The following IL1RAPL2 variants were observed in gnomAD, a reference collection of about 807,000 sequenced individuals.
IL1RAPL2 encodes the protein X-linked interleukin-1 receptor accessory protein-like 2.
IL1RAPL2 carries 3 observed loss-of-function variants against 44.1 expected under a neutral mutation model. The ratio of observed to expected loss-of-function variants is 0.07; its 90% CI spans 0.03 to 0.18. The LOEUF (loss-of-function observed/expected upper bound fraction) is 0.18. Ranked by LOEUF, IL1RAPL2 falls within the 10% of genes least tolerant of loss-of-function variation. The pLI is 1.00. For synonymous variants in IL1RAPL2, 181 were observed against 178.8 expected (o/e 1.01, Z -0.10); for missense variants, 391 against 496.4 (o/e 0.79, Z 2.02).
At chrX:105,491,723 T>C (rs1403413482) in intron 6 of IL1RAPL2, among the ~76,000 whole-genome samples, 2 of 112,106 alleles carry the variant, frequency 1.8e-5, no homozygotes, top group Admixed American at 1.9e-4. Flanking sequence ...GCCCAGATCA[T>C]ATACCATGTG....
At chrX:105,556,697 C>T (rs771218679) in intron 6 of IL1RAPL2, among the ~76,000 whole-genome samples, 1 of 111,795 alleles carries the variant, frequency 8.9e-6, no homozygotes, top group African/African-American at 3.2e-5. Flanking sequence ...AAATTGAGGA[C>T]ACATATGTGA....
chrX:104,747,460 G>A (rs1173577832), intron 2 of IL1RAPL2, among the ~76,000 whole-genome samples: 1 of 111,195 alleles, frequency 9.0e-6, no homozygotes, highest in Non-Finnish European at 1.9e-5. Context: ...CTACTCTTAC[G>A]GAGGTCACAC....
intron 1 of IL1RAPL2, among the ~76,000 whole-genome samples, chrX:104,611,907 G>A (rs1377312637): frequency 9.2e-6 from 1 of 109,246 alleles, no homozygotes; most frequent in African/African-American, 3.3e-5. Context: ...TCATGGGCAT[G>A]GGACCCATTG....
At chrX:104,669,090 C>T (rs1464386263) in intron 2 of IL1RAPL2, among the ~76,000 whole-genome samples, 1 of 111,562 alleles carries the variant, frequency 9.0e-6, no homozygotes, top group Non-Finnish European at 1.9e-5. Context: ...CTTTGGCACT[C>T]CCCCTGGCTA....
At chrX:104,943,192 G>C (rs1027885479) in intron 2 of IL1RAPL2, among the ~76,000 whole-genome samples, 1 of 110,947 alleles carries the variant, frequency 9.0e-6, no homozygotes, top group Non-Finnish European at 1.9e-5. Flanking sequence ...TTGGTAACAG[G>C]ATGATGCTGG....
chrX:105,762,613 T>G (rs2038696598), intron 10 of IL1RAPL2, among the ~76,000 whole-genome samples: 1 of 112,345 alleles, frequency 8.9e-6, no homozygotes. Context: ...TCATGTCTGA[T>G]AATCTGCTGT....
chrX:105,053,240 A>G (rs2031951572), intron 2 of IL1RAPL2, among the ~76,000 whole-genome samples: 2 of 111,554 alleles, frequency 1.8e-5, no homozygotes, highest in African/African-American at 6.5e-5. Context: ...ATGCCTGAAA[A>G]TTTTATTCTT....
intron 2 of IL1RAPL2, among the ~76,000 whole-genome samples, chrX:105,022,320 C>A (rs2031295918): frequency 9.0e-6 from 1 of 110,972 alleles, no homozygotes. Context: ...TTCTCTTATT[C>A]TCATTTTGCT....
intron 2 of IL1RAPL2, among the ~76,000 whole-genome samples, chrX:104,946,654 G>C (rs1925380673): frequency 1.0e-5 from 1 of 95,903 alleles, no homozygotes; most frequent in Admixed American, 1.2e-4. Flanking sequence ...CTATGAGTGA[G>C]AATATGCGGT....
At chrX:105,404,112 C>G (rs1440553476) in intron 5 of IL1RAPL2, among the ~76,000 whole-genome samples, 1 of 111,766 alleles carries the variant, frequency 8.9e-6, no homozygotes, top group Non-Finnish European at 1.9e-5. Flanking sequence ...TGTCCCTCAA[C>G]TAGTCTTAGA....
intron 2 of IL1RAPL2, among the ~76,000 whole-genome samples, chrX:104,969,581 A>G (rs2030193321): frequency 9.0e-6 from 1 of 111,409 alleles, no homozygotes; most frequent in African/African-American, 3.3e-5. Context: ...ATAATGAAAA[A>G]CCTGGGGAAA....
At chrX:105,214,469 C>G (rs1033841081) in intron 3 of IL1RAPL2, among the ~76,000 whole-genome samples, 1 of 110,412 alleles carries the variant, frequency 9.1e-6, no homozygotes, top group Non-Finnish European at 1.9e-5. Flanking sequence ...CACACAGATT[C>G]ATGAAACAAG....
At chrX:105,471,122 A>G (rs2036163078) in intron 5 of IL1RAPL2, among the ~76,000 whole-genome samples, 1 of 112,380 alleles carries the variant, frequency 8.9e-6, no homozygotes, top group Non-Finnish European at 1.9e-5. Context: ...TTTATTGAGA[A>G]CTAAACTATG....
intron 2 of IL1RAPL2, among the ~76,000 whole-genome samples, chrX:104,931,845 T>C (rs1434978003): frequency 9.1e-6 from 1 of 110,076 alleles, no homozygotes; most frequent in Non-Finnish European, 1.9e-5. Context: ...GCTTTAACTT[T>C]ACTTAAACAG....
Position 105,133,171 on chromosome X carries a change from A to T in IL1RAPL2, c.83-62304A>T, listed in dbSNP as rs955423578. Among the ~76,000 whole-genome samples, 5 of 111,969 alleles carry T rather than the reference A, an allele frequency of 4.5e-5. No individual in the cohort carries two copies. The Admixed American group carries it at 4.7e-4, about 11-fold the overall frequency. On this transcript the variant is annotated intron_variant, in intron 2 of 10. Transcript: ENST00000372582. ...AGATTTCATTTTTCTCAGTTAACAC[A>T]TTATGAGAAATATTCTGTGTAAATA...
rs1353641528 is a variant in IL1RAPL2, at chrX:105,755,249, A to T, written c.1265A>T (p.Glu422Val). ...DQDTLDCDNP[E>V]EEQFALEVLP... ...GATACTTTAGACTGTGACAATCCTG[A>T]AGAAGAGCAGTTTGCTCTTGAAGTA... The change falls in exon 10 of 11, where the codon GAA becomes GTA. Residue 422 changes from glutamate (E) to valine (V), a missense_variant. Coordinates refer to ENST00000372582, the MANE Select transcript of IL1RAPL2 (RefSeq NM_017416.2). 1 of 1,192,262 alleles carries T rather than the reference A, an allele frequency of 8.4e-7. No individual in the cohort carries two copies.
At chrX:105,220,648 C>T (rs1329272773) in intron 3 of IL1RAPL2, 5 of 302,047 alleles carry the variant, frequency 1.7e-5, no homozygotes, top group Non-Finnish European at 2.9e-5. Flanking sequence ...CTTAACACGC[C>T]CGAAGAGAGA....
At chrX:105,337,784 G>A (rs750627066) in intron 5 of IL1RAPL2, among the ~76,000 whole-genome samples, 12 of 110,600 alleles carry the variant, frequency 1.1e-4, no homozygotes, top group East Asian at 5.7e-4. Context: ...CCAGCTACTC[G>A]GGAGGCTAAG....
intron 3 of IL1RAPL2, among the ~76,000 whole-genome samples, chrX:105,222,614 G>A (rs1278233259): frequency 8.9e-6 from 1 of 111,976 alleles, no homozygotes; most frequent in Non-Finnish European, 1.9e-5. Flanking sequence ...ACCCATTAGG[G>A]AGATGCTAAA....
Sources: gnomAD v4.1 joint callset for allele counts (sites outside exome capture counted in the v4.1 genomes callset) on GRCh38, gnomAD v4.1.1 for gene constraint, MANE v1.5 for transcripts, NCBI Gene and HGNC (gene_info 2026-07-23, HGNC 2026-07-21) for gene names.